The following SORBS2 variants were observed in gnomAD, a reference collection of about 807,000 sequenced individuals.
The protein encoded by SORBS2 is sorbin and SH3 domain-containing protein 2.
In SORBS2, 46 loss-of-function variants were observed where a neutral mutation model predicts 97.7. That is an observed-to-expected ratio of 0.47 (90% CI 0.37 to 0.60). The LOEUF (loss-of-function observed/expected upper bound fraction) is 0.60. Ranked by LOEUF, SORBS2 falls within the 20% of genes least tolerant of loss-of-function variation. SORBS2 has a pLI of 0.00. For missense variants in SORBS2, 1,316 were observed against 1,282.3 expected (o/e 1.03, Z -0.40); for synonymous variants, 476 against 473.4 (o/e 1.01, Z -0.07).
chr4:185,813,685 G>T (rs952955417), intron 1 of SORBS2, among the ~76,000 whole-genome samples: 1 of 152,044 alleles, frequency 6.6e-6, no homozygotes. Flanking sequence ...ACTGCTCCTC[G>T]CCCCAGCACC....
intron 2 of SORBS2, among the ~76,000 whole-genome samples, chr4:185,738,692 C>T (rs764671007): frequency 1.6e-4 from 25 of 152,064 alleles, no homozygotes; most frequent in Non-Finnish European, 3.1e-4. Flanking sequence ...AAAAAGCATC[C>T]GAAACATTCC....
In SORBS2 at chr4:185,679,810, T is replaced by C. The variant is rs1204449990; in HGVS notation, c.-197-988A>G. Among the ~76,000 whole-genome samples the C allele has an allele frequency of 4.6e-5, 7 of 152,362 alleles. No homozygotes were observed. In the East Asian group the frequency reaches 7.7e-4, roughly 17 times the overall value. On this transcript the variant is annotated intron_variant, in intron 2 of 20. Transcript: ENST00000284776. The stretch of plus-strand genomic sequence containing the variant: ...CATGCTGGAAAAGTCTTTGTTTTTC[T>C]TTTAGTGCTTCAGCACAGTTATTTT...
At chr4:185,789,105 A>G (rs1459484331) in intron 1 of SORBS2, among the ~76,000 whole-genome samples, 1 of 152,172 alleles carries the variant, frequency 6.6e-6, no homozygotes, top group Non-Finnish European at 1.5e-5. Context: ...TGACTTACAG[A>G]TCAAGGACCA....
chr4:185,754,646 T>C (rs992905126), intron 2 of SORBS2, among the ~76,000 whole-genome samples: 1 of 152,158 alleles, frequency 6.6e-6, no homozygotes, highest in Non-Finnish European at 1.5e-5. Flanking sequence ...TTCCAAATCC[T>C]AGTGGCTTAA....
rs781586659 is a variant in SORBS2 at position 185,646,825 on chromosome 4, GC to G, written c.282-44del. On this transcript the variant is annotated intron_variant, in intron 3 of 14. Coordinates refer to ENST00000418609, the Ensembl canonical transcript of SORBS2. ...ATCACACATTAAAATAATCCTTTTT[GC>G]TTAAAGCAATTGTGTAAAACCAGTT... is the stretch of plus-strand genomic sequence containing the variant. 4 of 1,151,578 alleles carry G rather than the reference GC, an allele frequency of 3.5e-6. No homozygotes were observed. The African/African-American group carries it at 6.1e-5, about 17-fold the overall frequency. The allele number at this position is 1,151,578 out of a possible 1,614,324, so 71.3% of individuals were successfully genotyped here. A position where few individuals can be genotyped will look rare whatever the true frequency, so the allele number is the denominator to read the frequency against.
chr4:185,635,221 A>G, intron 4 of SORBS2, 134 bp downstream of exon 16: 1 of 657,578 alleles, frequency 1.5e-6, no homozygotes, highest in South Asian at 1.9e-5. Flanking sequence ...TGGATGCAAC[A>G]TAATGATGCA....
intron 12 of SORBS2, among the ~76,000 whole-genome samples, chr4:185,601,807 G>A (rs2096268103): frequency 6.6e-6 from 1 of 152,046 alleles, no homozygotes; most frequent in African/African-American, 2.4e-5. Context: ...ACCGTGCGCC[G>A]GGGATCCCCT....
intron 1 of SORBS2, among the ~76,000 whole-genome samples, chr4:185,852,280 A>G (rs1456774751): frequency 6.6e-6 from 1 of 152,212 alleles, no homozygotes; most frequent in African/African-American, 2.4e-5. Context: ...ATGAAACAGA[A>G]AATAGCTTAA....
exon 3 of SORBS2, chr4:185,649,611 T>C: frequency 6.3e-7 from 1 of 1,591,336 alleles, no homozygotes; most frequent in Non-Finnish European, 8.6e-7. Flanking sequence ...GGTTTGGGTC[T>C]TTGCAGCAGG....
At chr4:185,692,047 T>C (rs2098108584) in intron 2 of SORBS2, among the ~76,000 whole-genome samples, 1 of 152,250 alleles carries the variant, frequency 6.6e-6, no homozygotes, top group South Asian at 2.1e-4. Flanking sequence ...TTTTATGACA[T>C]GTGAGATGAC....
chr4:185,605,898 TAA>T (rs1561363143), intron 12 of SORBS2, among the ~76,000 whole-genome samples: 1 of 152,220 alleles, frequency 6.6e-6, no homozygotes, highest in Non-Finnish European at 1.5e-5. Context: ...GTTTGCAAGC[TAA>T]AGTTTCTGGA....
chr4:185,724,294 T>G (rs973129261), intron 2 of SORBS2, among the ~76,000 whole-genome samples: 3 of 150,528 alleles, frequency 2.0e-5, no homozygotes, highest in African/African-American at 7.3e-5. Flanking sequence ...TTGCATGTTT[T>G]TATTGAATAC....
intron 2 of SORBS2, among the ~76,000 whole-genome samples, chr4:185,726,431 AG>A (rs1289995345): frequency 6.6e-6 from 1 of 152,128 alleles, no homozygotes; most frequent in Non-Finnish European, 1.5e-5. Flanking sequence ...TAAATATCAA[AG>A]GAATGTAATA....
intron 1 of SORBS2, among the ~76,000 whole-genome samples, chr4:185,802,304 C>T (rs1257250371): frequency 6.6e-6 from 1 of 152,204 alleles, no homozygotes; most frequent in Non-Finnish European, 1.5e-5. Context: ...AAATTGTAAG[C>T]TCTTTCAATG....
At chr4:185,751,190 A>AAAAAAAAAAAAAAAAATTAAAG in intron 2 of SORBS2, among the ~76,000 whole-genome samples, 1 of 86,426 alleles carries the variant, frequency 1.2e-5, no homozygotes, top group South Asian at 4.7e-4. Flanking sequence ...AAAAAAAAAA[A>AAAAAAAAAAAAAAAAATTAAAG]AGAGAAAGAG....
At chr4:185,617,499 T>C (rs1191213361) in intron 9 of SORBS2, among the ~76,000 whole-genome samples, 2 of 150,348 alleles carry the variant, frequency 1.3e-5, no homozygotes, top group African/African-American at 5.0e-5. Flanking sequence ...ATTATATGCA[T>C]TTTTATGAGT....
At chr4:185,868,147 C>CTTCTTTT (rs2099228077) in intron 1 of SORBS2, among the ~76,000 whole-genome samples, 1 of 89,766 alleles carries the variant, frequency 1.1e-5, no homozygotes, top group Non-Finnish European at 2.2e-5. Flanking sequence ...CTTTTCTTTT[C>CTTCTTTT]TTTTTTTCTT....
At chr4:185,885,099 T>C (rs1362106385) in intron 1 of SORBS2, among the ~76,000 whole-genome samples, 1 of 152,158 alleles carries the variant, frequency 6.6e-6, no homozygotes, top group Non-Finnish European at 1.5e-5. Context: ...GGAAAGAAGG[T>C]GCAATCCAGC....
intron 1 of SORBS2, among the ~76,000 whole-genome samples, chr4:185,858,431 A>G (rs1344958992): frequency 6.6e-6 from 1 of 152,226 alleles, no homozygotes; most frequent in African/African-American, 2.4e-5. Context: ...AAACTAAGAT[A>G]ACCACTTAAT....
Sources: gnomAD v4.1 joint callset for allele counts (sites outside exome capture counted in the v4.1 genomes callset) on GRCh38, gnomAD v4.1.1 for gene constraint, MANE v1.5 for transcripts, NCBI Gene and HGNC (gene_info 2026-07-23, HGNC 2026-07-21) for gene names.